The following RELL1 variants were observed in gnomAD, a reference collection of about 807,000 sequenced individuals.
RELL1 encodes the protein RELT-like protein 1.
In RELL1, 10 loss-of-function variants were observed where a neutral mutation model predicts 23.0. That is an observed-to-expected ratio of 0.43 (90% CI 0.27 to 0.74). RELL1 has a LOEUF of 0.74. RELL1 is among the 30% of genes least tolerant of loss of function. The pLI, the probability that RELL1 is intolerant of heterozygous loss-of-function variation, is 0.19. For missense variants in RELL1, 315 were observed against 364.4 expected, an observed-to-expected ratio of 0.86 and a Z score of 1.10; for synonymous variants, 146 against 146.8, an observed-to-expected ratio of 0.99 and a Z score of 0.04.
intron 1 of RELL1, among the ~76,000 whole-genome samples, chr4:37,669,079 CAG>C: frequency 7.4e-6 from 1 of 134,938 alleles, no homozygotes; most frequent in Non-Finnish European, 1.6e-5. Context: ...CCCGCCTGGC[CAG>C]CCGCCCCGTC....
chr4:37,660,041 TG>T lies in RELL1; in HGVS notation c.89-10542del, dbSNP rs558890616. ...GTGGATAACCCACATCAAGGTTAGC[TG>T]GAAAATAGTTTTTAAGCACACACAC... On this transcript the variant is annotated intron_variant, in intron 1 of 6. Coordinates refer to ENST00000454158, the MANE Select transcript of RELL1 (RefSeq NM_001085400.2). 8.5e-3 allele frequency among the ~76,000 whole-genome samples: 1,287 copies of T among 152,284 alleles called. 23 individuals are homozygous for T. Among genetic ancestry groups the T allele is most frequent in the African/African-American group, 0.026 (1,069 of 41,564 alleles).
intron 3 of RELL1, among the ~76,000 whole-genome samples, chr4:37,644,989 C>T (rs146599228): frequency 3.9e-5 from 6 of 152,096 alleles, no homozygotes; most frequent in African/African-American, 1.2e-4. Flanking sequence ...TAGTTAAGTA[C>T]GGTGGGCTTC....
At chr4:37,646,709 A>ATATTAT (rs1168467416) in intron 3 of RELL1, among the ~76,000 whole-genome samples, 1 of 152,044 alleles carries the variant, frequency 6.6e-6, no homozygotes, top group Non-Finnish European at 1.5e-5. Context: ...TGTGAAGTAA[A>ATATTAT]TATTATTATT....
In RELL1 at chr4:37,649,623, G is replaced by C. The variant is rs1009638833; in HGVS notation, c.89-123C>G. 6 of 802,848 alleles carry C rather than the reference G, an allele frequency of 7.5e-6. No homozygotes were observed. In the African/African-American group the frequency reaches 1.0e-4, roughly 14 times the overall value. 49.7% of individuals were successfully genotyped at this position (802,848 alleles called of 1,614,324 possible). A position where few individuals can be genotyped will look rare whatever the true frequency, so the allele number is the denominator to read the frequency against. Reference sequence around the variant, plus strand: ...CCCGAAACCACAGGCCATGCAGACTGGTGGGTCCAGCTGCACAGGCAAAAG... The same window carrying C: ...CCCGAAACCACAGGCCATGCAGACTCGTGGGTCCAGCTGCACAGGCAAAAG... On this transcript the variant is annotated intron_variant, in intron 1 of 6. Transcript: ENST00000454158.
rs73807880 is a variant in RELL1 at position 37,645,771 on chromosome 4, C to T, written c.385+1597G>A. Among the ~76,000 whole-genome samples the T allele has an allele frequency of 5.3e-3, 814 of 152,296 alleles. 7 individuals are homozygous for T. The highest frequency in any genetic ancestry group is 0.018 in the African/African-American group (764 of 41,556). ...ATGTTTTGAAGATTAAATGAGATTA[C>T]GTATATAAAGCACCCAGATCTATGC... On this transcript the variant is annotated intron_variant, in intron 3 of 6. Coordinates refer to ENST00000454158, the MANE Select transcript of RELL1 (RefSeq NM_001085400.2).
At chr4:37,685,041 C>T (rs771779901) in intron 1 of RELL1, among the ~76,000 whole-genome samples, 1 of 152,138 alleles carries the variant, frequency 6.6e-6, no homozygotes, top group Non-Finnish European at 1.5e-5. Context: ...AACGGAAATA[C>T]GGGCCTGCTA....
chr4:37,590,825 A>G (rs548436171), exon 7 of RELL1: 2 of 1,614,214 alleles, frequency 1.2e-6, no homozygotes, highest in South Asian at 2.2e-5. Flanking sequence ...TGCTTTAATG[A>G]GAAGGGTCCT....
chr4:37,599,624 C>T (rs1308598859), intron 6 of RELL1, among the ~76,000 whole-genome samples: 1 of 152,158 alleles, frequency 6.6e-6, no homozygotes, highest in South Asian at 2.1e-4. Context: ...CTTTTGGTGA[C>T]AAGGAAGTGG....
chr4:37,670,101 T>A (rs1247257943), intron 1 of RELL1, among the ~76,000 whole-genome samples: 2 of 148,320 alleles, frequency 1.3e-5, no homozygotes, highest in African/African-American at 4.9e-5. Context: ...TTAAAAAAAA[T>A]ACCTCCCAAG....
chr4:37,679,353 T>G (rs1722127172), intron 1 of RELL1, among the ~76,000 whole-genome samples: 1 of 152,196 alleles, frequency 6.6e-6, no homozygotes, highest in South Asian at 2.1e-4. Context: ...GTACCAAAGT[T>G]GTACTTCTTT....
chr4:37,655,466 G>T (rs1457736070), intron 1 of RELL1, among the ~76,000 whole-genome samples: 2 of 152,126 alleles, frequency 1.3e-5, no homozygotes, highest in Middle Eastern at 3.2e-3. Context: ...GAAGAAAAAG[G>T]CAGAGATCTG....
At chr4:37,645,984 G>C (rs980627852) in intron 3 of RELL1, among the ~76,000 whole-genome samples, 3 of 152,246 alleles carry the variant, frequency 2.0e-5, no homozygotes, top group African/African-American at 7.2e-5. Flanking sequence ...TGAGGGCAGA[G>C]GAGCAGGTAT....
At chr4:37,627,116 A>G (rs963682385) in intron 6 of RELL1, among the ~76,000 whole-genome samples, 4 of 152,250 alleles carry the variant, frequency 2.6e-5, no homozygotes, top group African/African-American at 9.6e-5. Context: ...ATTTGAAAAC[A>G]TTACATTGCA....
intron 6 of RELL1, among the ~76,000 whole-genome samples, chr4:37,621,844 C>A (rs1719779454): frequency 6.6e-6 from 1 of 152,198 alleles, no homozygotes; most frequent in African/African-American, 2.4e-5. Flanking sequence ...ATCAAAAATT[C>A]CTGGTCACCC....
In RELL1 at chr4:37,669,596, G is replaced by T. The variant is rs192594727; in HGVS notation, c.88+16604C>A. Among the ~76,000 whole-genome samples the T allele has an allele frequency of 4.0e-3, 604 of 152,352 alleles. 6 individuals carry two copies. Among genetic ancestry groups the T allele is most frequent in the African/African-American group, 0.014 (585 of 41,586 alleles). On this transcript the variant is annotated intron_variant, in intron 1 of 6. Transcript: ENST00000454158. ...GCAGTTTTGTGGAATAGAAAGGGGGGAAAGGTGGGGAAAAGATGGAGAAAT... is the reference window on the plus strand; with the variant it reads ...GCAGTTTTGTGGAATAGAAAGGGGGTAAAGGTGGGGAAAAGATGGAGAAAT...
intron 4 of RELL1, among the ~76,000 whole-genome samples, chr4:37,636,360 C>G (rs1334757936): frequency 2.6e-5 from 4 of 152,098 alleles, no homozygotes; most frequent in Non-Finnish European, 5.9e-5. Flanking sequence ...CTTTGGGAAG[C>G]CGAAGCGGGC....
intron 5 of RELL1, among the ~76,000 whole-genome samples, 157 bp from the exon 6 acceptor site, chr4:37,631,680 C>T (rs1720141866): frequency 6.6e-6 from 1 of 152,168 alleles, no homozygotes; most frequent in Admixed American, 6.5e-5. Flanking sequence ...CATTCCTATC[C>T]AGTACATTCC....
chr4:37,637,839 A>G (rs943826666), intron 4 of RELL1, among the ~76,000 whole-genome samples: 7 of 152,242 alleles, frequency 4.6e-5, no homozygotes, highest in Non-Finnish European at 7.3e-5. Flanking sequence ...ATAGTAATAC[A>G]AAAACAGAAC....
chr4:37,634,029 C>T (rs1017405855), intron 5 of RELL1, among the ~76,000 whole-genome samples: 3 of 152,234 alleles, frequency 2.0e-5, no homozygotes, highest in African/African-American at 7.2e-5. Context: ...CAGTACTCCC[C>T]ACTGTCTTTC....
Sources: allele counts gnomAD v4.1 joint callset (sites outside exome capture counted in the v4.1 genomes callset), GRCh38; gene constraint gnomAD v4.1.1; transcripts MANE v1.5; gene names NCBI Gene and HGNC (gene_info 2026-07-23, HGNC 2026-07-21).